Variants in JAZF1 observed in about 807,000 individuals in gnomAD.
JAZF1 encodes juxtaposed with another zinc finger protein 1.
In JAZF1, 8 loss-of-function variants were observed where a neutral mutation model predicts 26.4. The observed-to-expected ratio is 0.30, with a 90% CI of 0.18 to 0.55. The LOEUF is 0.55. Among genes scored for constraint, JAZF1 ranks in the 20% least tolerant of loss-of-function variants. The probability of loss-of-function intolerance (pLI) is 0.94; values close to 1 mark genes in which losing one functional copy is unlikely to be tolerated. For synonymous variants in JAZF1, 126 were observed against 122.3 expected (o/e 1.03, Z -0.20); for missense variants, 199 against 322.0 (o/e 0.62, Z 2.92).
chr7:27,884,034 C>T (rs1369903567), intron 3 of JAZF1, among the ~76,000 whole-genome samples: 4 of 152,210 alleles, frequency 2.6e-5, no homozygotes, highest in Admixed American at 2.0e-4. Flanking sequence ...ATGCTATTTG[C>T]TAGTTCAAAG....
chr7:28,148,573 G>GT (rs1783062330), intron 1 of JAZF1, among the ~76,000 whole-genome samples: 1 of 152,202 alleles, frequency 6.6e-6, no homozygotes. Context: ...CTGAGAAGGC[G>GT]TATCTGAGTA....
At chr7:28,061,179 G>A (rs550471091) in intron 1 of JAZF1, among the ~76,000 whole-genome samples, 99 of 152,240 alleles carry the variant, frequency 6.5e-4, no homozygotes, top group African/African-American at 2.2e-3. Context: ...CTTAGAATAC[G>A]GCTGGCCATA....
At chr7:27,964,242 G>T (rs1428372936) in intron 2 of JAZF1, among the ~76,000 whole-genome samples, 1 of 151,986 alleles carries the variant, frequency 6.6e-6, no homozygotes, top group Non-Finnish European at 1.5e-5. Context: ...CTATGAAAAT[G>T]ATCTAAAGGG....
chr7:27,986,143 T>A (rs1331498990), intron 2 of JAZF1, among the ~76,000 whole-genome samples: 1 of 152,098 alleles, frequency 6.6e-6, no homozygotes, highest in East Asian at 1.9e-4. Flanking sequence ...AAATAAAGGG[T>A]ATTCAATTAG....
At chr7:28,153,493 C>CA (rs998348872) in intron 1 of JAZF1, among the ~76,000 whole-genome samples, 12 of 151,932 alleles carry the variant, frequency 7.9e-5, no homozygotes, top group Non-Finnish European at 1.8e-4. Flanking sequence ...CAAAACCAAA[C>CA]AAAAAAAGGA....
chr7:28,178,106 A>T (rs972644081), intron 1 of JAZF1, among the ~76,000 whole-genome samples: 1 of 152,178 alleles, frequency 6.6e-6, no homozygotes, highest in African/African-American at 2.4e-5. Flanking sequence ...ATTGCTGTAA[A>T]CTTAATTTTT....
At chr7:27,960,887 AACAAAC>A in intron 2 of JAZF1, among the ~76,000 whole-genome samples, 1 of 152,218 alleles carries the variant, frequency 6.6e-6, no homozygotes. Flanking sequence ...CAGAACAGAC[AACAAAC>A]ACAGCTAAGA....
rs1782733654 is a variant in JAZF1, at chr7:27,832,873, T to C, written c.659A>G (p.Gln220Arg). 6.2e-7 allele frequency: 1 copy of C among 1,612,832 alleles called. No individual in the cohort carries two copies. The highest frequency in any genetic ancestry group is 1.3e-5 in the African/African-American group (1 of 74,892). ...CRCGKSYKTA[Q>R]GLRHHTINFH... The stretch of plus-strand genomic sequence containing the variant: ...ATTGATTGTGTGGTGCCGCAGGCCC[T>C]GAGCTGTCTTGTAACTCTTCCCACA... The change falls in exon 5 of 5, where the codon CAG becomes CGG. Residue 220 changes from glutamine to arginine, a missense_variant. By Grantham distance (43) the Gln-to-Arg change is conservative. This residue lies in a region of JAZF1 where 62 missense variants were observed against 137.2 expected (regional missense o/e 0.45). Transcript: ENST00000283928.
intron 1 of JAZF1, among the ~76,000 whole-genome samples, chr7:28,057,912 T>C (rs1462718863): frequency 6.6e-6 from 1 of 152,244 alleles, no homozygotes; most frequent in African/African-American, 2.4e-5. Flanking sequence ...GCTTTCTTGA[T>C]CCTGTCTAAT....
At chr7:28,002,016 G>A (rs549453915) in intron 1 of JAZF1, among the ~76,000 whole-genome samples, 2 of 152,226 alleles carry the variant, frequency 1.3e-5, no homozygotes, top group East Asian at 1.9e-4. Context: ...CAAGAAGTCT[G>A]GAACTCAAAG....
intron 1 of JAZF1, among the ~76,000 whole-genome samples, chr7:28,125,595 G>A (rs886283675): frequency 3.9e-5 from 6 of 152,146 alleles, no homozygotes; most frequent in Non-Finnish European, 7.4e-5. Flanking sequence ...TGTGTAAAGT[G>A]AATGTAAATG....
At chr7:27,867,410 T>C (rs1221966423) in intron 3 of JAZF1, among the ~76,000 whole-genome samples, 3 of 152,196 alleles carry the variant, frequency 2.0e-5, no homozygotes, top group Non-Finnish European at 2.9e-5. Context: ...ATCTCAGAGA[T>C]TGCCCATAAA....
intron 1 of JAZF1, among the ~76,000 whole-genome samples, chr7:28,037,633 G>T (rs760933317): frequency 3.9e-5 from 6 of 152,144 alleles, no homozygotes; most frequent in Non-Finnish European, 7.4e-5. Flanking sequence ...AGTTTTATTT[G>T]TATGTGTCTA....
rs1427224860 is a variant in JAZF1, at chr7:28,068,130, G to A, written c.116-76149C>T. On this transcript the variant is annotated intron_variant, in intron 1 of 4. Coordinates refer to ENST00000283928, the MANE Select transcript of JAZF1 (RefSeq NM_175061.4). Reference sequence around the variant, plus strand: ...GGGTTTCACCATGTTAGCCAGGCTGGTCTCGAACTCCTGACATCAGATGAT... The same window carrying A: ...GGGTTTCACCATGTTAGCCAGGCTGATCTCGAACTCCTGACATCAGATGAT... 2.0e-5 allele frequency among the ~76,000 whole-genome samples: 3 copies of A among 151,638 alleles called. No individual in the cohort carries two copies. The East Asian group carries it at 5.8e-4, about 29-fold the overall frequency.
chr7:27,837,867 G>A (rs1782847476), intron 4 of JAZF1, among the ~76,000 whole-genome samples: 2 of 152,128 alleles, frequency 1.3e-5, no homozygotes, highest in Non-Finnish European at 2.9e-5. Context: ...AATTTACAAA[G>A]TCAGAAGAAA....
intron 1 of JAZF1, among the ~76,000 whole-genome samples, chr7:28,062,526 A>C (rs1428439529): frequency 1.3e-5 from 2 of 150,200 alleles, no homozygotes; most frequent in Admixed American, 6.6e-5. Flanking sequence ...CAGACCCTGC[A>C]TGCTGCATGC....
chr7:28,116,683 C>T (rs917283871), intron 1 of JAZF1, among the ~76,000 whole-genome samples: 2 of 152,032 alleles, frequency 1.3e-5, no homozygotes, highest in Non-Finnish European at 1.5e-5. Context: ...CTCCTGACCT[C>T]GTGATCCACC....
intron 1 of JAZF1, among the ~76,000 whole-genome samples, chr7:28,074,492 T>A (rs1193896351): frequency 1.3e-5 from 2 of 152,190 alleles, no homozygotes; most frequent in Non-Finnish European, 2.9e-5. Flanking sequence ...AATACACATA[T>A]GTATGTACTT....
At chr7:27,951,845 T>C (rs1311404073) in intron 2 of JAZF1, among the ~76,000 whole-genome samples, 1 of 152,204 alleles carries the variant, frequency 6.6e-6, no homozygotes, top group East Asian at 1.9e-4. Flanking sequence ...ACTGCTGACA[T>C]TCTACAACCT....
Sources: allele counts gnomAD v4.1 joint callset (sites outside exome capture counted in the v4.1 genomes callset), GRCh38; gene constraint gnomAD v4.1.1; regional missense constraint gnomAD v4.1.1; transcripts MANE v1.5; gene names NCBI Gene and HGNC (gene_info 2026-07-23, HGNC 2026-07-21).